Variants in MAGI2 observed in about 807,000 individuals in gnomAD.
The protein encoded by MAGI2 is membrane associated guanylate kinase, WW and PDZ domain containing 2, also known as membrane-associated guanylate kinase, WW and PDZ domain-containing protein 2.
MAGI2 carries 35 observed loss-of-function variants against 133.3 expected under a neutral mutation model. The observed-to-expected ratio is 0.26, with a 90% CI of 0.20 to 0.35. The LOEUF (loss-of-function observed/expected upper bound fraction) is 0.35, where lower values mean the gene tolerates loss of function less well. Among genes scored for constraint, MAGI2 ranks in the 10% least tolerant of loss-of-function variants. The probability of loss-of-function intolerance (pLI) is 1.00; values close to 1 mark genes in which losing one functional copy is unlikely to be tolerated. For missense variants in MAGI2, 1,636 were observed against 1,863.4 expected, an observed-to-expected ratio of 0.88 and a Z score of 2.25; for synonymous variants, 729 against 710.6, an observed-to-expected ratio of 1.03 and a Z score of -0.41.
chr7:78,253,022 C>T (rs1165934300), intron 10 of MAGI2: 1 of 150,458 alleles, frequency 6.6e-6, no homozygotes, highest in Non-Finnish European at 1.5e-5. Context: ...TACTTCTTAA[C>T]AATTTAAATA....
chr7:78,778,817 T>C, intron 2 of MAGI2, among the ~76,000 whole-genome samples: 1 of 152,184 alleles, frequency 6.6e-6, no homozygotes, highest in Middle Eastern at 3.4e-3. Context: ...CTCAGGTATA[T>C]TGTGAAAAAT....
At chr7:79,035,959 T>G (rs62460831) in intron 1 of MAGI2, among the ~76,000 whole-genome samples, 5 of 152,210 alleles carry the variant, frequency 3.3e-5, no homozygotes, top group African/African-American at 4.8e-5. Flanking sequence ...TAAAAATTGT[T>G]TGAATAGAAA....
intron 3 of MAGI2, among the ~76,000 whole-genome samples, chr7:78,604,917 G>T (rs951696649): frequency 1.3e-5 from 2 of 152,074 alleles, no homozygotes; most frequent in African/African-American, 2.4e-5. Flanking sequence ...TCTGAATGTT[G>T]TGTAATACCC....
intron 2 of MAGI2, among the ~76,000 whole-genome samples, chr7:78,662,990 A>G (rs1374288312): frequency 6.6e-6 from 1 of 152,188 alleles, no homozygotes; most frequent in African/African-American, 2.4e-5. Context: ...TACACAGATA[A>G]TATATAGTAG....
At chr7:78,063,816 GC>G (rs1435519069) in intron 21 of MAGI2, among the ~76,000 whole-genome samples, 1 of 151,988 alleles carries the variant, frequency 6.6e-6, no homozygotes, top group Non-Finnish European at 1.5e-5. Context: ...TATTGATCTT[GC>G]CCCATTATGT....
intron 14 of MAGI2, chr7:78,170,705 T>A (rs1826030451): frequency 6.6e-6 from 1 of 152,114 alleles, no homozygotes; most frequent in South Asian, 2.1e-4. Context: ...AGGCCTCTTA[T>A]ATATTTATTT....
intron 2 of MAGI2, among the ~76,000 whole-genome samples, chr7:78,807,621 G>A (rs956347597): frequency 3.9e-5 from 6 of 152,132 alleles, no homozygotes; most frequent in Non-Finnish European, 8.8e-5. Flanking sequence ...GTAGTAAAAA[G>A]CCTCAATGGC....
intron 3 of MAGI2, among the ~76,000 whole-genome samples, chr7:78,526,321 AT>A (rs1563123983): frequency 6.6e-6 from 1 of 152,094 alleles, no homozygotes; most frequent in South Asian, 2.1e-4. Flanking sequence ...CATTTTAGGA[AT>A]TTTTTTCCAT....
chr7:78,294,442 G>T (rs2151051599), intron 9 of MAGI2, among the ~76,000 whole-genome samples: 1 of 150,706 alleles, frequency 6.6e-6, no homozygotes, highest in African/African-American at 2.4e-5. Flanking sequence ...TTAATACTTT[G>T]GAACTCTAAA....
chr7:78,771,017 G>A (rs892922777), intron 2 of MAGI2: 3 of 152,188 alleles, frequency 2.0e-5, no homozygotes, highest in African/African-American at 7.2e-5. Flanking sequence ...TTTTCAACAT[G>A]GATGTCTAGA....
chr7:79,100,874 T>C (rs947510278), intron 1 of MAGI2, among the ~76,000 whole-genome samples: 23 of 151,986 alleles, frequency 1.5e-4, no homozygotes, highest in Non-Finnish European at 2.8e-4. Flanking sequence ...AAATCTACCT[T>C]TATTTCATTA....
At chr7:78,783,733 G>C (rs560656843) in intron 2 of MAGI2, among the ~76,000 whole-genome samples, 1 of 152,278 alleles carries the variant, frequency 6.6e-6, no homozygotes, top group East Asian at 1.9e-4. Context: ...CCAGTGCTGA[G>C]TTCCTGACCC....
chr7:78,476,162 G>T (rs1331942936), intron 6 of MAGI2, among the ~76,000 whole-genome samples: 1 of 151,820 alleles, frequency 6.6e-6, no homozygotes, highest in African/African-American at 2.4e-5. Flanking sequence ...AACTTATTTT[G>T]TTTGCAGATA....
At chr7:79,319,433 C>A (rs1018727779) in intron 1 of MAGI2, among the ~76,000 whole-genome samples, 22 of 152,142 alleles carry the variant, frequency 1.4e-4, no homozygotes, top group African/African-American at 4.3e-4. Context: ...AAGCTCCCAG[C>A]CTCACCTTCA....
intron 14 of MAGI2, among the ~76,000 whole-genome samples, chr7:78,172,670 G>T (rs552434484): frequency 2.0e-5 from 3 of 152,280 alleles, no homozygotes; most frequent in South Asian, 4.1e-4. Flanking sequence ...GTGCACCCTG[G>T]GATGTCAATA....
chr7:78,134,262 A>T (rs569190717), intron 17 of MAGI2: 1 of 152,368 alleles, frequency 6.6e-6, no homozygotes, highest in African/African-American at 2.4e-5. Context: ...TTGGGGGCTG[A>T]ATAAAACAGA....
intron 2 of MAGI2, among the ~76,000 whole-genome samples, chr7:78,844,974 T>G (rs1223651175): frequency 6.6e-6 from 1 of 151,956 alleles, no homozygotes; most frequent in Non-Finnish European, 1.5e-5. Flanking sequence ...TATCTCTCAG[T>G]TCAGAAGAAA....
intron 10 of MAGI2, among the ~76,000 whole-genome samples, chr7:78,213,762 C>A (rs184476896): frequency 6.6e-6 from 1 of 152,192 alleles, no homozygotes; most frequent in Admixed American, 6.5e-5. Flanking sequence ...GTCGATCATG[C>A]GACAGTGTTG....
intron 1 of MAGI2, among the ~76,000 whole-genome samples, chr7:79,227,646 T>C (rs1830971273): frequency 6.6e-6 from 1 of 152,232 alleles, no homozygotes; most frequent in Non-Finnish European, 1.5e-5. Flanking sequence ...TAATTTTATT[T>C]TTAGTGAGAG....
Sources: gnomAD v4.1 joint callset for allele counts (sites outside exome capture counted in the v4.1 genomes callset) on GRCh38, gnomAD v4.1.1 for gene constraint, MANE v1.5 for transcripts, NCBI Gene and HGNC (gene_info 2026-07-23, HGNC 2026-07-21) for gene names.